The following YLPM1 variants were observed in gnomAD, a reference collection of about 807,000 sequenced individuals.
YLPM1 encodes the protein YLP motif-containing protein 1.
Under a neutral mutation model 230.0 loss-of-function variants are expected in YLPM1, and 99 were observed. That is an observed-to-expected ratio of 0.43 (90% CI 0.37 to 0.51). YLPM1 has a LOEUF of 0.51. YLPM1 is among the 20% of genes least tolerant of loss of function. The probability of loss-of-function intolerance (pLI) is 0.00; values close to 1 mark genes in which losing one functional copy is unlikely to be tolerated. For synonymous variants in YLPM1, 984 were observed against 942.5 expected, an observed-to-expected ratio of 1.04 and a Z score of -0.81; for missense variants, 2,592 against 2,707.7, an observed-to-expected ratio of 0.96 and a Z score of 0.95.
chr14:74,782,295 GTAGTTAC>G lies in YLPM1; in HGVS notation c.2254_2260del (p.Ser752TrpfsTer18), dbSNP rs2091103892. Reference sequence around the variant, plus strand: ...GGCCTGCTTCCAGATCCTCCTAGAAGTAGTTACTTGGAAAGTCCAAGAGGCCCAAGGT... The same window carrying G: ...GGCCTGCTTCCAGATCCTCCTAGAAGTTGGAAAGTCCAAGAGGCCCAAGGT... On this transcript the variant is annotated frameshift_variant, in exon 4 of 21. Transcript: ENST00000325680. LOFTEE classifies it high-confidence loss of function. 1 of 1,536,218 alleles carries G rather than the reference GTAGTTAC, an allele frequency of 6.5e-7. No individual in the cohort carries two copies. Among genetic ancestry groups the G allele is most frequent in the Non-Finnish European group, 8.7e-7 (1 of 1,153,380 alleles).
intron 19 of YLPM1, 25 bp from the exon 20 acceptor site, chr14:74,835,240 C>T (rs745523247): frequency 1.2e-6 from 2 of 1,610,222 alleles, no homozygotes; most frequent in Admixed American, 1.7e-5. Context: ...TCCTAAAGCT[C>T]AGCCTAATGC....
intron 1 of YLPM1, among the ~76,000 whole-genome samples, chr14:74,777,575 A>C (rs2091054131): frequency 6.6e-6 from 1 of 152,018 alleles, no homozygotes; most frequent in Non-Finnish European, 1.5e-5. Flanking sequence ...TCAAAAAAAA[A>C]AAAATAAATA....
chr14:74,797,486 A>G (rs530964869), intron 4 of YLPM1, 94 bp from the exon 5 acceptor site: 2 of 1,101,864 alleles, frequency 1.8e-6, no homozygotes, highest in East Asian at 2.6e-5. Flanking sequence ...GTTGTAAACA[A>G]ATTCTAAGGC....
At chr14:74,795,436 C>T (rs1281305238) in intron 4 of YLPM1, among the ~76,000 whole-genome samples, 2 of 152,142 alleles carry the variant, frequency 1.3e-5, no homozygotes, top group African/African-American at 4.8e-5. Context: ...AAAAAGCCTC[C>T]TAGCACTCAT....
In YLPM1 at chr14:74,818,364, C is replaced by G. The variant is rs967842605; in HGVS notation, c.6030+50C>G. ...AATGCAAAGTGATGTTACTTTTTCA[C>G]CTTTTTACTTTGAAAAACTTAAAAC... On this transcript the variant is annotated intron_variant, in intron 16 of 20. Transcript: ENST00000325680. 3 of 1,482,426 alleles carry G rather than the reference C, an allele frequency of 2.0e-6. No homozygotes were observed. The African/African-American group carries it at 4.2e-5, about 21-fold the overall frequency. The allele number at this position is 1,482,426 out of a possible 1,614,324, so 91.8% of individuals were successfully genotyped here. A position where few individuals can be genotyped will look rare whatever the true frequency, so the allele number is the denominator to read the frequency against.
At chr14:74,809,821 A>G (rs779191271) in intron 7 of YLPM1, 24 bp downstream of exon 7, 11 of 1,612,146 alleles carry the variant, frequency 6.8e-6, no homozygotes, top group Non-Finnish European at 9.3e-6. Context: ...GTGCACTTGT[A>G]TTTGGGATTC....
intron 6 of YLPM1, among the ~76,000 whole-genome samples, chr14:74,806,554 G>A (rs1217810448): frequency 1.5e-4 from 23 of 152,164 alleles, no homozygotes; most frequent in Admixed American, 1.4e-3. Context: ...CTGCGCTCCA[G>A]CCTGGGCAAC....
At chr14:74,778,089 C>G (rs3813556) in intron 1 of YLPM1, among the ~76,000 whole-genome samples, 20,917 of 152,078 alleles carry the variant, frequency 0.14, 1,601 homozygotes, top group South Asian at 0.3. Flanking sequence ...GTCAATAAAT[C>G]GGAACAAACT....
At chr14:74,790,276 TG>T (rs1336921766) in intron 4 of YLPM1, among the ~76,000 whole-genome samples, 3 of 152,200 alleles carry the variant, frequency 2.0e-5, no homozygotes, top group Non-Finnish European at 4.4e-5. Flanking sequence ...CCATTTGTTA[TG>T]GTTGTTCTTG....
At chr14:74,800,020 G>A (rs760631892) in intron 5 of YLPM1, among the ~76,000 whole-genome samples, 7 of 152,210 alleles carry the variant, frequency 4.6e-5, no homozygotes, top group Non-Finnish European at 1.0e-4. Context: ...CAGGGTTCAT[G>A]TGTAACCTTC....
chr14:74,780,378 TA>T, intron 2 of YLPM1, 26 bp from the exon 3 acceptor site: 2 of 1,582,274 alleles, frequency 1.3e-6, no homozygotes, highest in South Asian at 2.3e-5. Flanking sequence ...ATGACTTACA[TA>T]AAGATGTGTC....
At position 74,778,810 on chromosome 14, in the gene YLPM1, G is replaced by A. The variant is rs2091066555; in HGVS notation, c.1110+127G>A. 7.2e-6 allele frequency: 5 copies of A among 696,792 alleles called. No individual in the cohort carries two copies. In the East Asian group the frequency reaches 8.4e-5, roughly 12 times the overall value. 43.2% of individuals were successfully genotyped at this position (696,792 alleles called of 1,614,324 possible). ...TAGGTACCTATAAAGTTGCATTTGTGAAATCAGATGTCTGTTGTATCAGGT... is the reference window on the plus strand; with the variant it reads ...TAGGTACCTATAAAGTTGCATTTGTAAAATCAGATGTCTGTTGTATCAGGT... On this transcript the variant is annotated intron_variant, in intron 2 of 20. Coordinates refer to ENST00000325680, the MANE Select transcript of YLPM1 (RefSeq NM_019589.3).
intron 4 of YLPM1, among the ~76,000 whole-genome samples, chr14:74,794,828 G>C (rs1189641300): frequency 2.0e-5 from 3 of 152,026 alleles, no homozygotes; most frequent in East Asian, 3.8e-4. Context: ...AGAAATATTT[G>C]TAACTATTGT....
chr14:74,781,223 A>G, intron 3 of YLPM1, 111 bp from the exon 4 acceptor site: 2 of 1,187,884 alleles, frequency 1.7e-6, no homozygotes, highest in Non-Finnish European at 2.3e-6. Context: ...CAAAGTCTTT[A>G]GTGTTCTAAT....
intron 4 of YLPM1, among the ~76,000 whole-genome samples, chr14:74,784,977 C>T (rs1409251856): frequency 6.6e-6 from 1 of 152,208 alleles, no homozygotes; most frequent in Non-Finnish European, 1.5e-5. Flanking sequence ...GTACCAACTT[C>T]ATTATAAATA....
At chr14:74,793,137 G>GT (rs1023166345) in intron 4 of YLPM1, among the ~76,000 whole-genome samples, 8 of 152,108 alleles carry the variant, frequency 5.3e-5, no homozygotes, top group African/African-American at 1.9e-4. Context: ...AAATTTCAGT[G>GT]TTTTTTGTTT....
chr14:74,811,623 T>A lies in YLPM1; in HGVS notation c.5232T>A (p.Ala1744=). ...CGCTTCCTATTACACCTTCTAGAGC[T>A]CAGTCATATCGAGACAAAAAAGACC... ...DRERRPRDDR[A]QSYRDKKDHS... is the part of the protein sequence containing the mutation. The change falls in exon 10 of 21, where the codon GCT becomes GCA. Residue 1744 remains alanine, a synonymous_variant. Transcript: ENST00000325680. 1 of 1,607,578 alleles carries A rather than the reference T, an allele frequency of 6.2e-7. No individual in the cohort carries two copies. The highest frequency in any genetic ancestry group is 1.7e-4 in the Middle Eastern group (1 of 6,050).
At chr14:74,795,917 A>T (rs1204346745) in intron 4 of YLPM1, among the ~76,000 whole-genome samples, 1 of 152,234 alleles carries the variant, frequency 6.6e-6, no homozygotes, top group African/African-American at 2.4e-5. Context: ...CTGGTCTTGG[A>T]TATTTCACCA....
chr14:74,823,518 C>T (rs1037201364), intron 17 of YLPM1, among the ~76,000 whole-genome samples: 7 of 152,000 alleles, frequency 4.6e-5, no homozygotes, highest in African/African-American at 1.7e-4. Context: ...AAATAAGCCA[C>T]CCAGTTATTT....
Sources: gnomAD v4.1 joint callset for allele counts (sites outside exome capture counted in the v4.1 genomes callset) on GRCh38, gnomAD v4.1.1 for gene constraint, MANE v1.5 for transcripts, NCBI Gene and HGNC (gene_info 2026-07-23, HGNC 2026-07-21) for gene names.